The following RARS2 variants were observed in gnomAD, a reference collection of about 807,000 sequenced individuals.
The protein encoded by RARS2 is probable arginine--tRNA ligase, mitochondrial.
Under a neutral mutation model 88.5 loss-of-function variants are expected in RARS2, and 67 were observed. The observed-to-expected ratio is 0.76, with a 90% confidence interval of 0.62 to 0.93. The LOEUF is 0.93. Among genes scored for constraint, RARS2 ranks in the 40% least tolerant of loss-of-function variants. The pLI is 0.00. For synonymous variants in RARS2, 239 were observed against 230.3 expected, an observed-to-expected ratio of 1.04 and a Z score of -0.34; for missense variants, 664 against 684.2, an observed-to-expected ratio of 0.97 and a Z score of 0.33.
Position 87,514,393 on chromosome 6 carries a change from A to G in RARS2, c.*20T>C. On this transcript the variant is annotated 3_prime_UTR_variant, in exon 20 of 20. Coordinates refer to ENST00000369536, the MANE Select transcript of RARS2 (RefSeq NM_020320.5). ...ATAACTAGAATTCACTTGACATTTT[A>G]AAAGCCATTTTAATGGAAATTACAT... is the stretch of plus-strand genomic sequence containing the variant. 3 of 1,532,516 alleles carry G rather than the reference A, an allele frequency of 2.0e-6. No individual in the cohort carries two copies. The highest frequency in any genetic ancestry group is 2.7e-6 in the Non-Finnish European group (3 of 1,105,912). The allele number at this position is 1,532,516 out of a possible 1,614,324, so 94.9% of individuals were successfully genotyped here. A position where few individuals can be genotyped will look rare whatever the true frequency, so the allele number is the denominator to read the frequency against.
rs369331184 is a variant in RARS2, at chr6:87,529,556, G to A, written c.864C>T (p.Leu288=). 3 of 1,573,696 alleles carry A rather than the reference G, an allele frequency of 1.9e-6. No individual in the cohort carries two copies. Among genetic ancestry groups the A allele is most frequent in the Non-Finnish European group, 2.6e-6 (3 of 1,143,328 alleles). ...CCTGATCATACATTGTTTTCAGTAGGAGTCCTTTACTCTCCAGCAACTTTA... is the reference window on the plus strand; with the variant it reads ...CCTGATCATACATTGTTTTCAGTAGAAGTCCTTTACTCTCCAGCAACTTTA... ...EVLKLLESKG[L]LLKTIKGTAV... Residue 288 remains leucine (L), a synonymous_variant, in exon 10 of 20, where the codon CTC becomes CTT. Transcript: ENST00000369536.
At chr6:87,570,151 T>C (rs1429277271) in intron 1 of RARS2, among the ~76,000 whole-genome samples, 1 of 152,138 alleles carries the variant, frequency 6.6e-6, no homozygotes, top group Non-Finnish European at 1.5e-5. Context: ...ATCATTAGAA[T>C]AGCGGGGTGG....
intron 10 of RARS2, among the ~76,000 whole-genome samples, chr6:87,526,495 A>C (rs7762864): frequency 6.6e-6 from 1 of 151,326 alleles, no homozygotes; most frequent in Admixed American, 6.6e-5. Context: ...CAGCCTGGAT[A>C]ACAAAGCCAG....
rs1309016540 is a variant in RARS2 at position 87,556,808 on chromosome 6, A to T, written c.298-1303T>A. ...TCTGTCTCAAAAAAAAAAAAAAAAA[A>T]ATTTTTTTTTTTTCTTTTTAATAGA... On this transcript the variant is annotated intron_variant, in intron 4 of 19. Coordinates refer to ENST00000369536, the MANE Select transcript of RARS2 (RefSeq NM_020320.5). Among the ~76,000 whole-genome samples the T allele has an allele frequency of 1.4e-4, 21 of 148,334 alleles. No homozygotes were observed. In the East Asian group the frequency reaches 4.2e-3, roughly 30 times the overall value.
At chr6:87,565,555 C>T (rs1326464145) in intron 2 of RARS2, among the ~76,000 whole-genome samples, 1 of 152,036 alleles carries the variant, frequency 6.6e-6, no homozygotes, top group African/African-American at 2.4e-5. Flanking sequence ...AAATCAAAAG[C>T]TCTCCCTTTC....
At chr6:87,518,531 T>C in intron 16 of RARS2, 99 bp downstream of exon 16, 1 of 1,372,188 alleles carries the variant, frequency 7.3e-7, no homozygotes, top group Non-Finnish European at 1.0e-6. Context: ...TAGAAGATAT[T>C]GGAAAAGCCC....
chr6:87,564,560 T>G (rs1215675711), intron 2 of RARS2: 1 of 373,880 alleles, frequency 2.7e-6, no homozygotes, highest in Non-Finnish European at 5.1e-6. Context: ...TCCCAGCTGC[T>G]TGGGAGACTG....
At chr6:87,568,203 A>G (rs1279477832) in intron 2 of RARS2, among the ~76,000 whole-genome samples, 1 of 152,250 alleles carries the variant, frequency 6.6e-6, no homozygotes, top group Non-Finnish European at 1.5e-5. Flanking sequence ...TTAAATGAAA[A>G]TGGAAACAAA....
intron 1 of RARS2, among the ~76,000 whole-genome samples, chr6:87,586,212 G>A (rs1432581110): frequency 6.6e-6 from 1 of 152,176 alleles, no homozygotes; most frequent in Non-Finnish European, 1.5e-5. Context: ...GTGGAATAGA[G>A]AAAGGAGAGG....
chr6:87,527,333 C>T (rs1776089121), intron 10 of RARS2, among the ~76,000 whole-genome samples: 1 of 152,012 alleles, frequency 6.6e-6, no homozygotes, highest in Admixed American at 6.6e-5. Context: ...AAAGGACAGT[C>T]TCTTCAATAA....
chr6:87,558,455 A>G (rs1163099579), intron 4 of RARS2, among the ~76,000 whole-genome samples: 2 of 152,216 alleles, frequency 1.3e-5, no homozygotes, highest in African/African-American at 2.4e-5. Context: ...GTTATTTAAT[A>G]ACTGGTTCCT....
At chr6:87,557,129 T>C (rs1786216139) in intron 4 of RARS2, among the ~76,000 whole-genome samples, 2 of 152,124 alleles carry the variant, frequency 1.3e-5, no homozygotes, top group African/African-American at 4.8e-5. Flanking sequence ...GCTCCTACAG[T>C]ACCCGTTGTC....
At chr6:87,538,861 C>G (rs1226263833) in intron 8 of RARS2, among the ~76,000 whole-genome samples, 3 of 151,956 alleles carry the variant, frequency 2.0e-5, no homozygotes, top group Non-Finnish European at 4.4e-5. Flanking sequence ...TAGGGAGACC[C>G]TGTCTCTATA....
intron 1 of RARS2, among the ~76,000 whole-genome samples, chr6:87,581,112 A>G (rs184303260): frequency 1.4e-4 from 22 of 152,334 alleles, no homozygotes; most frequent in Admixed American, 3.9e-4. Flanking sequence ...ACTGAGCACA[A>G]AGTCAAAAAA....
chr6:87,545,665 T>C lies in RARS2; in HGVS notation c.486A>G (p.Gly162=). The change falls in exon 7 of 20, where the codon GGA becomes GGG. Residue 162 remains glycine (G), a synonymous_variant. Coordinates refer to ENST00000369536, the MANE Select transcript of RARS2 (RefSeq NM_020320.5). ...NFIANLKEAL[G]HQVIRINYLG... ...GGTAATTTATTCTTATTACTTGATG[T>C]CCTAAAGCTTCTTTGAGATTTGCTA... 2 of 1,613,662 alleles carry C rather than the reference T, an allele frequency of 1.2e-6. No homozygotes were observed. Among genetic ancestry groups the C allele is most frequent in the Non-Finnish European group, 1.7e-6 (2 of 1,179,842 alleles).
In RARS2 at chr6:87,515,039, A is replaced by C. The variant is rs765438295; in HGVS notation, c.1587-19T>G. On this transcript the variant is annotated intron_variant, in intron 18 of 19. Transcript: ENST00000369536. ...AAGATGACTGAAACAGGAAGAGAGA[A>C]ATCACGATAGTACCAGCAGTAATTT... is the stretch of plus-strand genomic sequence containing the variant. 3.1e-6 allele frequency: 5 copies of C among 1,592,506 alleles called. 1 individual carries two copies. The South Asian group carries it at 5.5e-5, about 18-fold the overall frequency.
At chr6:87,572,349 C>T (rs1434213995) in intron 1 of RARS2, among the ~76,000 whole-genome samples, 5 of 152,054 alleles carry the variant, frequency 3.3e-5, no homozygotes, top group Admixed American at 1.3e-4. Context: ...CCAAACTTAA[C>T]CATAATCACT....
intron 1 of RARS2, among the ~76,000 whole-genome samples, chr6:87,572,131 C>T (rs961791455): frequency 6.7e-6 from 1 of 149,266 alleles, no homozygotes; most frequent in East Asian, 1.9e-4. Context: ...TTCCAAATTC[C>T]AGTTCTACTT....
At chr6:87,526,870 C>T (rs1318364534) in intron 10 of RARS2, among the ~76,000 whole-genome samples, 1 of 151,752 alleles carries the variant, frequency 6.6e-6, no homozygotes, top group Admixed American at 6.6e-5. Context: ...GGGGTTTCTC[C>T]ATGTTGGTCA....
Sources: allele counts gnomAD v4.1 joint callset (sites outside exome capture counted in the v4.1 genomes callset), GRCh38; gene constraint gnomAD v4.1.1; transcripts MANE v1.5; gene names NCBI Gene and HGNC (gene_info 2026-07-23, HGNC 2026-07-21).